STK4: variants seen among roughly 807,000 people sequenced by gnomAD.
STK4 encodes the protein serine/threonine kinase 4, also known as serine/threonine-protein kinase 4.
STK4 carries 30 observed loss-of-function variants against 64.9 expected under a neutral mutation model. The ratio of observed to expected loss-of-function variants is 0.46; its 90% CI spans 0.35 to 0.63. The LOEUF (loss-of-function observed/expected upper bound fraction) is 0.63, where lower values mean the gene tolerates loss of function less well. Ranked by LOEUF, STK4 falls within the 20% of genes least tolerant of loss-of-function variation. The pLI is 0.01. For missense variants in STK4, 466 were observed against 598.5 expected (o/e 0.78, Z 2.31); for synonymous variants, 177 against 199.0 (o/e 0.89, Z 0.93).
chr20:44,968,050 C>CA (rs1453782187), intron 1 of STK4, among the ~76,000 whole-genome samples: 2 of 152,056 alleles, frequency 1.3e-5, no homozygotes, highest in Non-Finnish European at 2.9e-5. Flanking sequence ...AACTGAGATA[C>CA]AGAGGGTAGT....
In STK4 at chr20:45,074,998, A is replaced by G; in HGVS notation, c.1306-20A>G. 2 of 1,613,912 alleles carry G rather than the reference A, an allele frequency of 1.2e-6. No homozygotes were observed. Among genetic ancestry groups the G allele is most frequent in the Non-Finnish European group, 1.7e-6 (2 of 1,179,930 alleles). ...CTGACTTAAGCTTTGTCGTGACTAT[A>G]CCTTCCACTTCTCTTCTAGCTTAAG... On this transcript the variant is annotated intron_variant, in intron 10 of 10. Transcript: ENST00000372806.
At chr20:45,013,646 T>C (rs2068091657) in intron 9 of STK4, among the ~76,000 whole-genome samples, 1 of 152,178 alleles carries the variant, frequency 6.6e-6, no homozygotes, top group South Asian at 2.1e-4. Context: ...TTTGAGACAT[T>C]GTGGCCTAAC....
chr20:44,974,987 A>G (rs1026263455), intron 2 of STK4: 13 of 152,190 alleles, frequency 8.5e-5, no homozygotes, highest in African/African-American at 2.9e-4. Context: ...GGAGCCTAGC[A>G]CCTTTTTTCT....
At chr20:44,981,218 G>A (rs1417679463) in intron 3 of STK4, among the ~76,000 whole-genome samples, 2 of 151,854 alleles carry the variant, frequency 1.3e-5, no homozygotes, top group African/African-American at 4.8e-5. Flanking sequence ...GCAGTGGCGC[G>A]ATTTCGGCTC....
At chr20:44,972,915 A>C (rs1055271676) in intron 2 of STK4, 2 of 151,730 alleles carry the variant, frequency 1.3e-5, no homozygotes, top group Non-Finnish European at 2.9e-5. Context: ...TAAAAAAAAA[A>C]AAAAACTGCC....
chr20:44,967,226 A>G (rs2067166053), intron 1 of STK4: 1 of 985,160 alleles, frequency 1.0e-6, no homozygotes, highest in South Asian at 4.7e-5. Flanking sequence ...TGTCTTCCTA[A>G]TGGTCTTCAC....
intron 7 of STK4, among the ~76,000 whole-genome samples, chr20:44,998,107 C>T (rs2067768521): frequency 6.6e-6 from 1 of 152,104 alleles, no homozygotes; most frequent in South Asian, 2.1e-4. Flanking sequence ...TGTTGTAGTT[C>T]AGGGTGGGAG....
chr20:45,024,122 G>C (rs936377098), intron 9 of STK4, among the ~76,000 whole-genome samples: 1 of 151,602 alleles, frequency 6.6e-6, no homozygotes, highest in Admixed American at 6.6e-5. Context: ...GGATGGTCTC[G>C]ATCTCCTGGC....
At position 44,967,971 on chromosome 20, in the gene STK4, G is replaced by A. The variant is rs2267853; in HGVS notation, c.35+1368G>A. On this transcript the variant is annotated intron_variant, in intron 1 of 10. Transcript: ENST00000372806. The stretch of plus-strand genomic sequence containing the variant: ...TTTTTGAACCATAAAAACCTCATTT[G>A]AACTCATTTGAACCTCACAACAATC... Among the ~76,000 whole-genome samples the A allele has an allele frequency of 5.9e-3, 899 of 152,230 alleles. 32 individuals carry two copies. In the East Asian group the frequency reaches 0.098, roughly 17 times the overall value.
At chr20:45,006,222 T>C (rs772875863) in intron 9 of STK4, among the ~76,000 whole-genome samples, 16 of 151,192 alleles carry the variant, frequency 1.1e-4, no homozygotes, top group Non-Finnish European at 2.2e-4. Flanking sequence ...TCTCCTTTTT[T>C]ATTTTATTTT....
chr20:44,968,014 C>CTCTA (rs1390950815), intron 1 of STK4, among the ~76,000 whole-genome samples: 1 of 152,134 alleles, frequency 6.6e-6, no homozygotes, highest in East Asian at 1.9e-4. Context: ...GTAGATATCC[C>CTCTA]TATATGTCTG....
intron 5 of STK4, among the ~76,000 whole-genome samples, chr20:44,987,856 A>G (rs1300267585): frequency 1.3e-5 from 2 of 152,122 alleles, no homozygotes; most frequent in Non-Finnish European, 1.5e-5. Flanking sequence ...AAATAGAAAT[A>G]GTTTTAGGCA....
chr20:44,986,313 G>A (rs901239783), intron 4 of STK4, among the ~76,000 whole-genome samples: 3 of 152,144 alleles, frequency 2.0e-5, no homozygotes, highest in South Asian at 4.1e-4. Flanking sequence ...ACAAACTGAG[G>A]AAGCATACTG....
At chr20:45,007,681 T>C (rs1207197132) in intron 9 of STK4, 4 of 312,046 alleles carry the variant, frequency 1.3e-5, no homozygotes, top group Non-Finnish European at 2.5e-5. Context: ...ATCATAGTTA[T>C]GGTGATTCTG....
Position 44,971,992 on chromosome 20 carries a change from A to G in STK4, c.36-86A>G, listed in dbSNP as rs141739499. 1,279 of 1,321,260 alleles carry G rather than the reference A, an allele frequency of 9.7e-4. 10 individuals carry two copies. The African/African-American group carries it at 0.017, about 18-fold the overall frequency. The allele number at this position is 1,321,260 out of a possible 1,614,324, so 81.8% of individuals were successfully genotyped here. ...AAGTCTGTATAGAGAAGTTCCTGAG[A>G]TGCTAATTATAAAAAAAAGATATAT... On this transcript the variant is annotated intron_variant, in intron 1 of 10. Coordinates refer to ENST00000372806, the MANE Select transcript of STK4 (RefSeq NM_006282.5).
chr20:45,020,169 A>C (rs1002721920), intron 9 of STK4, among the ~76,000 whole-genome samples: 2 of 152,200 alleles, frequency 1.3e-5, no homozygotes, highest in Admixed American at 6.5e-5. Flanking sequence ...CATAATAAAT[A>C]ACATATATCT....
chr20:45,054,186 T>C (rs1978314961), intron 10 of STK4, among the ~76,000 whole-genome samples: 1 of 152,188 alleles, frequency 6.6e-6, no homozygotes, highest in Admixed American at 6.5e-5. Flanking sequence ...CTGTCCGTGC[T>C]TCATTCTCTC....
chr20:45,038,331 C>A (rs2068559369), intron 10 of STK4, among the ~76,000 whole-genome samples: 1 of 113,236 alleles, frequency 8.8e-6, no homozygotes, highest in African/African-American at 3.5e-5. Context: ...AATTATAATA[C>A]CTTTATCATA....
chr20:45,009,661 G>A lies in STK4; in HGVS notation c.1147+8308G>A, dbSNP rs985796217. On this transcript the variant is annotated intron_variant, in intron 9 of 10. Transcript: ENST00000372806. ...TTAATTATATTGATTCTTCCTATCC[G>A]TGAGCATACAATGTTTTTCCATTTA... is the stretch of plus-strand genomic sequence containing the variant. 4.3e-4 allele frequency among the ~76,000 whole-genome samples: 66 copies of A among 152,076 alleles called. 2 individuals carry two copies. The highest frequency in any genetic ancestry group is 1.0e-4 in the Non-Finnish European group (7 of 68,010).
Sources: gnomAD v4.1 joint callset for allele counts (sites outside exome capture counted in the v4.1 genomes callset) on GRCh38, gnomAD v4.1.1 for gene constraint, MANE v1.5 for transcripts, NCBI Gene and HGNC (gene_info 2026-07-23, HGNC 2026-07-21) for gene names.